TMEM87A: variants seen among roughly 807,000 people sequenced by gnomAD.
TMEM87A encodes transmembrane protein 87A, also known as Golgi-pH regulating cation channel.
A neutral mutation model predicts 90.0 loss-of-function variants in TMEM87A; 50 were observed. The ratio of observed to expected loss-of-function variants is 0.56; its 90% CI spans 0.44 to 0.70. The LOEUF is 0.70. TMEM87A is among the 30% of genes least tolerant of loss of function. TMEM87A has a pLI of 0.00. For synonymous variants in TMEM87A, 226 were observed against 226.7 expected, an observed-to-expected ratio of 1.00 and a Z score of 0.03; for missense variants, 577 against 660.5, an observed-to-expected ratio of 0.87 and a Z score of 1.39.
In TMEM87A at chr15:42,239,765, G is replaced by A. The variant is rs370877973; in HGVS notation, c.623-34C>T. 183 of 1,578,866 alleles carry A rather than the reference G, an allele frequency of 1.2e-4. 2 individuals are homozygous for A. The highest frequency in any genetic ancestry group is 3.3e-5 in the Non-Finnish European group (38 of 1,148,508). On this transcript the variant is annotated intron_variant, in intron 7 of 19. Coordinates refer to ENST00000389834, the MANE Select transcript of TMEM87A (RefSeq NM_015497.5). ...ACAGAGTCCTCAGAATTAATTTACA[G>A]GATGCAGAAATTAAACAAAAATATT...
At chr15:42,242,066 CAAAAAAAAAAAGAAAAAA>C (rs2050881491) in intron 7 of TMEM87A, among the ~76,000 whole-genome samples, 1 of 57,860 alleles carries the variant, frequency 1.7e-5, no homozygotes, top group Non-Finnish European at 3.4e-5. Flanking sequence ...GACTCTATCT[CAAAAAAAAAAAGAAAAAA>C]AAAAAGAAAA....
chr15:42,261,646 T>C (rs796760840), intron 4 of TMEM87A, among the ~76,000 whole-genome samples: 2,167 of 151,656 alleles, frequency 0.014, 48 homozygotes, highest in African/African-American at 0.05. Flanking sequence ...TCTTTTTTTT[T>C]TTTTTGAGAC....
rs1017803359 is a variant in TMEM87A, at chr15:42,210,466, T to C, written c.*1242A>G. 1 of 152,040 alleles carries C rather than the reference T, an allele frequency of 6.6e-6. No individual in the cohort carries two copies. Among genetic ancestry groups the C allele is most frequent in the African/African-American group, 2.4e-5 (1 of 41,368 alleles). 9.4% of individuals were successfully genotyped at this position (152,040 alleles called of 1,614,324 possible). A position where few individuals can be genotyped will look rare whatever the true frequency, so the allele number is the denominator to read the frequency against. On this transcript the variant is annotated 3_prime_UTR_variant, in exon 20 of 20. Transcript: ENST00000389834. ...CTAGAATAAAAGCCATAGAAAGAAA[T>C]TTTTCATGAGTTTGACAGAAAGAGT...
At chr15:42,273,132 G>A (rs113959478) in intron 1 of TMEM87A, 123 bp downstream of exon 1, 8 of 1,271,060 alleles carry the variant, frequency 6.3e-6, no homozygotes, top group African/African-American at 4.4e-5. Context: ...TAGCCACACA[G>A]ACCATCCCAG....
chr15:42,266,888 G>A (rs114597425), intron 3 of TMEM87A, among the ~76,000 whole-genome samples: 2,190 of 152,110 alleles, frequency 0.014, 48 homozygotes, highest in African/African-American at 0.05. Context: ...TTTTTTCCAC[G>A]AAACACCATA....
At chr15:42,270,271 G>A (rs2051493081) in intron 2 of TMEM87A, among the ~76,000 whole-genome samples, 1 of 152,066 alleles carries the variant, frequency 6.6e-6, no homozygotes, top group East Asian at 1.9e-4. Context: ...TCGGGAGGCT[G>A]AGGCAGAAGA....
chr15:42,217,075 T>C (rs890418502), intron 19 of TMEM87A, among the ~76,000 whole-genome samples: 2 of 151,206 alleles, frequency 1.3e-5, no homozygotes, highest in African/African-American at 4.9e-5. Context: ...CCACTTCACC[T>C]CCCAAGTAGC....
At chr15:42,222,536 T>A (rs896366719) in intron 15 of TMEM87A, among the ~76,000 whole-genome samples, 2 of 151,984 alleles carry the variant, frequency 1.3e-5, no homozygotes, top group African/African-American at 4.8e-5. Context: ...CAAGTAATTC[T>A]TGGTGGATGA....
intron 6 of TMEM87A, among the ~76,000 whole-genome samples, chr15:42,256,290 C>G (rs893242855): frequency 2.0e-5 from 3 of 151,760 alleles, no homozygotes; most frequent in Admixed American, 2.0e-4. Context: ...ACAGGTGTAC[C>G]CCACCACACC....
rs764097795 is a variant in TMEM87A at position 42,227,702 on chromosome 15, A to C, written c.1299+9T>G. Reference sequence around the variant, plus strand: ...CAGTACATTATTCATAAATGTGCTTATAACTCACCGACTGACATGTCACTA... The same window carrying C: ...CAGTACATTATTCATAAATGTGCTTCTAACTCACCGACTGACATGTCACTA... On this transcript the variant is annotated intron_variant, in intron 14 of 19. Transcript: ENST00000389834. The C allele has an allele frequency of 6.8e-6, 11 of 1,612,276 alleles. No individual in the cohort carries two copies. The Admixed American group carries it at 1.3e-4, about 20-fold the overall frequency.
intron 11 of TMEM87A, 58 bp downstream of exon 11, chr15:42,233,155 C>A: frequency 7.0e-7 from 1 of 1,436,908 alleles, no homozygotes; most frequent in Non-Finnish European, 9.8e-7. Context: ...TCCACACTGT[C>A]AAGATGTAAA....
chr15:42,219,944 T>C (rs1302451923), intron 16 of TMEM87A, 118 bp downstream of exon 16: 1 of 964,716 alleles, frequency 1.0e-6, no homozygotes, highest in Non-Finnish European at 1.5e-6. Context: ...CCTTATTTTC[T>C]TAACCCTGAC....
chr15:42,251,091 A>G (rs1278786539), intron 6 of TMEM87A, among the ~76,000 whole-genome samples: 1 of 152,116 alleles, frequency 6.6e-6, no homozygotes, highest in Non-Finnish European at 1.5e-5. Context: ...CAGCTCCATC[A>G]GGTCATTTAA....
At chr15:42,268,448 G>A (rs537010286) in intron 2 of TMEM87A, among the ~76,000 whole-genome samples, 2 of 152,194 alleles carry the variant, frequency 1.3e-5, no homozygotes, top group African/African-American at 2.4e-5. Context: ...CAGGGGGATC[G>A]CTTGAGCCCA....
chr15:42,223,169 G>A (rs1258923126), intron 15 of TMEM87A, among the ~76,000 whole-genome samples: 3 of 152,184 alleles, frequency 2.0e-5, no homozygotes, highest in African/African-American at 7.2e-5. Flanking sequence ...AAGGCAGGCA[G>A]ATCGCTTGAG....
chr15:42,252,420 T>G (rs2051104029), intron 6 of TMEM87A, among the ~76,000 whole-genome samples: 1 of 152,248 alleles, frequency 6.6e-6, no homozygotes, highest in Non-Finnish European at 1.5e-5. Context: ...TGATATTCCA[T>G]TTTATGAACA....
intron 8 of TMEM87A, among the ~76,000 whole-genome samples, chr15:42,238,747 C>A (rs1469010527): frequency 2.3e-5 from 2 of 87,826 alleles, no homozygotes; most frequent in Admixed American, 2.2e-4. Flanking sequence ...GAGTGAGACT[C>A]TCTTTTTTTT....
rs555166339 is a variant in TMEM87A, at chr15:42,220,005, T to C, written c.1477+57A>G. The C allele has an allele frequency of 3.5e-6, 5 of 1,425,196 alleles. No individual in the cohort carries two copies. The South Asian group carries it at 5.1e-5, about 15-fold the overall frequency. The allele number at this position is 1,425,196 out of a possible 1,614,324, so 88.3% of individuals were successfully genotyped here. On this transcript the variant is annotated intron_variant, in intron 16 of 19. Coordinates refer to ENST00000389834, the MANE Select transcript of TMEM87A (RefSeq NM_015497.5). ...AACACAGTTATAAAATAATAAACAA[T>C]GTACTTACAGAAAAATAATATTTAA...
chr15:42,222,084 A>G (rs536721351), intron 15 of TMEM87A, among the ~76,000 whole-genome samples: 11 of 152,032 alleles, frequency 7.2e-5, no homozygotes, highest in African/African-American at 2.2e-4. Context: ...TTTTTTGAGA[A>G]AGAGTTTCAC....
Sources: allele counts gnomAD v4.1 joint callset (sites outside exome capture counted in the v4.1 genomes callset), GRCh38; gene constraint gnomAD v4.1.1; transcripts MANE v1.5; gene names NCBI Gene and HGNC (gene_info 2026-07-23, HGNC 2026-07-21).